Variants in COX7A2 observed in about 807,000 individuals in gnomAD.
The protein encoded by COX7A2 is cytochrome c oxidase subunit 7A2.
Under a neutral mutation model 11.6 loss-of-function variants are expected in COX7A2, and 11 were observed. The ratio of observed to expected loss-of-function variants is 0.95; its 90% confidence interval spans 0.60 to 1.57. COX7A2 has a LOEUF of 1.57. Among genes scored for constraint, COX7A2 ranks in the 40% most tolerant of loss-of-function variants. The pLI is 0.00. For missense variants in COX7A2, 106 were observed against 100.9 expected, an observed-to-expected ratio of 1.05 and a Z score of -0.22; for synonymous variants, 30 against 38.2, an observed-to-expected ratio of 0.78 and a Z score of 0.79.
At chr6:75,242,750 C>G (rs1354021745) in intron 1 of COX7A2, among the ~76,000 whole-genome samples, 2 of 151,750 alleles carry the variant, frequency 1.3e-5, no homozygotes, top group African/African-American at 2.4e-5. Flanking sequence ...AACCTGGAGA[C>G]GGAAATTGCA....
At chr6:75,241,304 A>G in intron 1 of COX7A2, 39 bp from the exon 2 acceptor site, 1 of 1,457,462 alleles carries the variant, frequency 6.9e-7, no homozygotes, top group Non-Finnish European at 9.2e-7. Flanking sequence ...TAGAGCCTAA[A>G]GAAACCTTCA....
chr6:75,248,430 C>G (rs1001418760), upstream of COX7A2, among the ~76,000 whole-genome samples: 1 of 152,224 alleles, frequency 6.6e-6, no homozygotes, highest in African/African-American at 2.4e-5. Flanking sequence ...TCTATTGATC[C>G]CAGATCTTCA....
chr6:75,238,096 T>C (rs1041414203), intron 3 of COX7A2, 108 bp from the exon 4 acceptor site: 9 of 575,966 alleles, frequency 1.6e-5, no homozygotes, highest in African/African-American at 9.3e-5. Flanking sequence ...ACTACCTTAA[T>C]TGGAACACAA....
chr6:75,240,185 CAA>C (rs1771449380), intron 3 of COX7A2, 114 bp downstream of exon 3: 1 of 738,662 alleles, frequency 1.4e-6, no homozygotes, highest in African/African-American at 1.8e-5. Context: ...AGTAAGATAT[CAA>C]ATTCTGGAGA....
Position 75,241,231 on chromosome 6 carries a change from G to C in COX7A2, c.53C>G (p.Thr18Ser). The part of the protein sequence containing the change: ...LRQIGQRTIS[T>S]ASRRHFKNKV... The stretch of plus-strand genomic sequence containing the variant: ...ATTTTTAAAATGCCTGCGGGAAGCA[G>C]TGCTTATCGTCCTCTGCCCAATCTG... Residue 18 changes from threonine (T) to serine (S), a missense_variant, in exon 2 of 4, where the codon ACT becomes AGT. Coordinates refer to ENST00000684430, the MANE Select transcript of COX7A2 (RefSeq NM_001366293.2). 1.9e-6 allele frequency: 3 copies of C among 1,587,928 alleles called. No individual in the cohort carries two copies. The highest frequency in any genetic ancestry group is 2.6e-6 in the Non-Finnish European group (3 of 1,160,776).
At chr6:75,245,889 T>C (rs1371444387), upstream of COX7A2, among the ~76,000 whole-genome samples, 1 of 152,196 alleles carries the variant, frequency 6.6e-6, no homozygotes, top group Non-Finnish European at 1.5e-5. Flanking sequence ...AAACCATACA[T>C]GTAAGAAAGA....
chr6:75,249,764 T>C lies in COX7A2; in HGVS notation c.-44+292A>G, dbSNP rs2149515450. On this transcript the variant is annotated intron_variant, in intron 1 of 4. Transcript: ENST00000370081. ...TGATTTCAGTGATGAATTAAACAAC[T>C]TGAAGGGCTACTTAGAGGTTCAAGT... Among the ~76,000 whole-genome samples the C allele has an allele frequency of 2.0e-5, 3 of 152,318 alleles. No individual in the cohort carries two copies. The South Asian group carries it at 6.2e-4, about 32-fold the overall frequency.
At chr6:75,241,098 C>G in intron 2 of COX7A2, 78 bp downstream of exon 2, 1 of 1,519,760 alleles carries the variant, frequency 6.6e-7, no homozygotes, top group Non-Finnish European at 9.0e-7. Context: ...AATTTATACA[C>G]ATACTTGTTT....
chr6:75,241,123 C>A, intron 2 of COX7A2, 53 bp downstream of exon 2: 1 of 1,559,730 alleles, frequency 6.4e-7, no homozygotes, highest in Non-Finnish European at 8.8e-7. Flanking sequence ...CAACTCTTAC[C>A]TTTTGGTAAT....
intron 3 of COX7A2, among the ~76,000 whole-genome samples, chr6:75,238,318 GAA>G (rs879502350): frequency 6.6e-6 from 1 of 150,986 alleles, no homozygotes; most frequent in African/African-American, 2.4e-5. Context: ...AAATGCCAAA[GAA>G]AAAAAGAGTT....
chr6:75,244,983 G>A (rs1353734183), upstream of COX7A2, among the ~76,000 whole-genome samples: 1 of 152,078 alleles, frequency 6.6e-6, no homozygotes, highest in Non-Finnish European at 1.5e-5. Context: ...AGGGCGTGGG[G>A]GTTTTTTAAG....
intron 1 of COX7A2, among the ~76,000 whole-genome samples, chr6:75,249,585 A>T (rs1771749186): frequency 6.6e-6 from 1 of 152,216 alleles, no homozygotes; most frequent in African/African-American, 2.4e-5. Context: ...ATAAATATTT[A>T]CTATTATGGG....
upstream of COX7A2, among the ~76,000 whole-genome samples, chr6:75,246,666 G>A (rs141156182): frequency 2.5e-3 from 383 of 152,300 alleles, 3 homozygotes; most frequent in Non-Finnish European, 4.0e-3. Flanking sequence ...TGAATGAACT[G>A]TATCCTGCAC....
intron 1 of COX7A2, among the ~76,000 whole-genome samples, chr6:75,249,027 G>A (rs1048562198): frequency 1.3e-5 from 2 of 152,186 alleles, no homozygotes; most frequent in Non-Finnish European, 2.9e-5. Flanking sequence ...GGAGGCCGAG[G>A]CGGGCAGATC....
intron 1 of COX7A2, among the ~76,000 whole-genome samples, chr6:75,242,422 C>T (rs1771534048): frequency 1.3e-5 from 2 of 152,056 alleles, no homozygotes; most frequent in South Asian, 4.1e-4. Flanking sequence ...GGGAGAATCG[C>T]TTGAATCCAG....
At chr6:75,244,004 A>C (rs1245372509), upstream of COX7A2, 4 of 566,644 alleles carry the variant, frequency 7.1e-6, no homozygotes, top group East Asian at 1.2e-4. Flanking sequence ...CCTGGAGCTA[A>C]GGCTGGGGAA....
upstream of COX7A2, among the ~76,000 whole-genome samples, chr6:75,245,516 C>T (rs544751058): frequency 2.6e-4 from 38 of 147,838 alleles, no homozygotes; most frequent in Admixed American, 6.7e-5. Context: ...GCCATGAATT[C>T]ACATTAAATA....
In COX7A2 at chr6:75,237,817, T is replaced by C; in HGVS notation, c.*113A>G. On this transcript the variant is annotated 3_prime_UTR_variant, in exon 4 of 4. Coordinates refer to ENST00000684430, the MANE Select transcript of COX7A2 (RefSeq NM_001366293.2). Reference sequence around the variant, plus strand: ...TAAAGACTGCTTTATTGGTGGCAGTTACTACAAGTCAATAAATATTGATCC... The same window carrying C: ...TAAAGACTGCTTTATTGGTGGCAGTCACTACAAGTCAATAAATATTGATCC... 1 of 646,700 alleles carries C rather than the reference T, an allele frequency of 1.5e-6. No homozygotes were observed. The highest frequency in any genetic ancestry group is 2.6e-6 in the Non-Finnish European group (1 of 377,730). 40.1% of individuals were successfully genotyped at this position (646,700 alleles called of 1,614,324 possible).
intron 3 of COX7A2, 135 bp from the exon 4 acceptor site, chr6:75,238,123 G>C (rs1468056803): frequency 2.3e-6 from 1 of 439,232 alleles, no homozygotes; most frequent in Non-Finnish European, 3.9e-6. Flanking sequence ...ATTTTGATAG[G>C]TGCTGGAAAA....
Sources: allele counts gnomAD v4.1 joint callset (sites outside exome capture counted in the v4.1 genomes callset), GRCh38; gene constraint gnomAD v4.1.1; transcripts MANE v1.5; gene names NCBI Gene and HGNC (gene_info 2026-07-23, HGNC 2026-07-21).